EDA: variants seen among roughly 807,000 people sequenced by gnomAD.
EDA encodes the protein ectodysplasin-A.
Under a neutral mutation model 23.6 loss-of-function variants are expected in EDA, and 2 were observed. The ratio of observed to expected loss-of-function variants is 0.08; its 90% CI spans 0.03 to 0.27. EDA has a LOEUF of 0.27. Among genes scored for constraint, EDA ranks in the 10% least tolerant of loss-of-function variants. EDA has a pLI of 1.00. For missense variants in EDA, 229 were observed against 324.2 expected (o/e 0.71, Z 2.26); for synonymous variants, 131 against 132.0 (o/e 0.99, Z 0.05).
chrX:70,019,553 A>C (rs189240972), intron 2 of EDA, among the ~76,000 whole-genome samples: 1 of 109,355 alleles, frequency 9.1e-6, no homozygotes, highest in African/African-American at 3.5e-5. Context: ...TCATGGAATA[A>C]TATGCAGCCA....
intron 1 of EDA, among the ~76,000 whole-genome samples, chrX:69,902,738 C>T (rs1049840506): frequency 7.2e-5 from 8 of 111,394 alleles, no homozygotes; most frequent in African/African-American, 2.6e-4. Context: ...CAATATTAGC[C>T]ATCATTTTGC....
chrX:69,705,795 T>G (rs2011695125), intron 1 of EDA, among the ~76,000 whole-genome samples: 1 of 112,031 alleles, frequency 8.9e-6, no homozygotes, highest in Admixed American at 9.5e-5. Context: ...TCTAAAAATT[T>G]TCTACGCCAA....
At chrX:70,030,176 C>A (rs2020178435) in intron 5 of EDA, among the ~76,000 whole-genome samples, 1 of 112,313 alleles carries the variant, frequency 8.9e-6, no homozygotes, top group Admixed American at 9.4e-5. Flanking sequence ...ATTTGATCTT[C>A]AGACATCCCT....
At chrX:69,992,230 G>T (rs2019598352) in intron 2 of EDA, among the ~76,000 whole-genome samples, 1 of 112,065 alleles carries the variant, frequency 8.9e-6, no homozygotes. Context: ...AAGTTGTGAT[G>T]TCCCTAGCCA....
At chrX:69,835,832 C>G (rs1166458445) in intron 1 of EDA, among the ~76,000 whole-genome samples, 2 of 112,184 alleles carry the variant, frequency 1.8e-5, no homozygotes, top group African/African-American at 6.5e-5. Context: ...GCTCTGGTTT[C>G]TCCCCATCTT....
intron 1 of EDA, among the ~76,000 whole-genome samples, chrX:69,741,881 G>T (rs1330723374): frequency 9.0e-6 from 1 of 111,688 alleles, no homozygotes; most frequent in Non-Finnish European, 1.9e-5. Flanking sequence ...GAGCTCTGAG[G>T]TCTGAACTTA....
chrX:69,876,429 A>G (rs2017646788), intron 1 of EDA, among the ~76,000 whole-genome samples: 1 of 110,882 alleles, frequency 9.0e-6, no homozygotes, highest in African/African-American at 3.3e-5. Flanking sequence ...AAATAAAAAT[A>G]ATACAATAAA....
chrX:69,948,787 A>T (rs1439907327), intron 1 of EDA, among the ~76,000 whole-genome samples: 1 of 112,518 alleles, frequency 8.9e-6, no homozygotes, highest in Non-Finnish European at 1.9e-5. Flanking sequence ...CTCAATGTTT[A>T]TTCAGACAAC....
intron 3 of EDA, among the ~76,000 whole-genome samples, chrX:70,027,466 C>T (rs138714772): frequency 0.013 from 1,470 of 111,666 alleles, 15 homozygotes; most frequent in Non-Finnish European, 0.013. Flanking sequence ...AGAGAGCTGA[C>T]TTTGTGTCCT....
chrX:69,731,793 C>A (rs1312981867), intron 1 of EDA, among the ~76,000 whole-genome samples: 1 of 111,698 alleles, frequency 9.0e-6, no homozygotes, highest in Non-Finnish European at 1.9e-5. Flanking sequence ...ACTGCTACAG[C>A]TGTTGAATAG....
At position 69,631,837 on chromosome X, in the gene EDA, G is replaced by C. The variant is rs185377078; in HGVS notation, c.396+15133G>C. ...AAGATAAAATAAGTTCCTCACATTA[G>C]AGAAGGCTGAAATTGGGAATTAGCA... On this transcript the variant is annotated intron_variant, in intron 1 of 7. Transcript: ENST00000374552. Among the ~76,000 whole-genome samples the C allele has an allele frequency of 9.7e-3, 1,083 of 111,365 alleles. 9 individuals are homozygous for C. Among genetic ancestry groups the C allele is most frequent in the Non-Finnish European group, 0.017 (883 of 53,083 alleles).
intron 1 of EDA, among the ~76,000 whole-genome samples, chrX:69,800,851 T>TTTATAAGA (rs2015666915): frequency 8.9e-6 from 1 of 111,791 alleles, no homozygotes. Flanking sequence ...TTAAAGAGTC[T>TTTATAAGA]CATAAAGTCT....
intron 1 of EDA, among the ~76,000 whole-genome samples, chrX:69,895,745 CT>C (rs1363571247): frequency 1.8e-5 from 2 of 111,453 alleles, no homozygotes; most frequent in East Asian, 5.6e-4. Context: ...TAGGCTACAA[CT>C]TTCCACTTTC....
chrX:69,783,409 G>T (rs1022115452), intron 1 of EDA, among the ~76,000 whole-genome samples: 2 of 109,076 alleles, frequency 1.8e-5, no homozygotes, highest in Non-Finnish European at 3.8e-5. Context: ...CCAGCATTAG[G>T]TGTATCTCCT....
intron 1 of EDA, among the ~76,000 whole-genome samples, chrX:69,825,661 A>T (rs1319742119): frequency 5.3e-5 from 6 of 113,135 alleles, no homozygotes; most frequent in Non-Finnish European, 1.1e-4. Context: ...TCCTGGATTC[A>T]TTAATTTTTT....
chrX:69,666,238 C>A (rs775297891), intron 1 of EDA, among the ~76,000 whole-genome samples: 2 of 112,087 alleles, frequency 1.8e-5, no homozygotes, highest in South Asian at 7.4e-4. Flanking sequence ...ATCTCATCTG[C>A]AAATAGAGAT....
chrX:69,641,761 G>T (rs917669380), intron 1 of EDA, among the ~76,000 whole-genome samples: 1 of 111,529 alleles, frequency 9.0e-6, no homozygotes, highest in African/African-American at 3.3e-5. Flanking sequence ...GGTGCAGCAA[G>T]AATTATGTTA....
intron 1 of EDA, among the ~76,000 whole-genome samples, chrX:69,835,466 C>A (rs1190382580): frequency 9.0e-6 from 1 of 111,560 alleles, no homozygotes; most frequent in African/African-American, 3.3e-5. Flanking sequence ...TTAATTTGAT[C>A]TTCAATCACT....
intron 1 of EDA, among the ~76,000 whole-genome samples, chrX:69,733,787 G>C (rs140954959): frequency 0.014 from 1,536 of 111,164 alleles, 20 homozygotes; most frequent in African/African-American, 0.045. Context: ...CTGAGCAGTG[G>C]TTTGTCGTTC....
Sources: gnomAD v4.1 joint callset for allele counts (sites outside exome capture counted in the v4.1 genomes callset) on GRCh38, gnomAD v4.1.1 for gene constraint, MANE v1.5 for transcripts, NCBI Gene and HGNC (gene_info 2026-07-23, HGNC 2026-07-21) for gene names.